The following PRRC2B variants were observed in gnomAD, a reference collection of about 807,000 sequenced individuals.
The protein encoded by PRRC2B is proline rich coiled-coil 2B, also known as protein PRRC2B.
A neutral mutation model predicts 242.3 loss-of-function variants in PRRC2B; 68 were observed. The observed-to-expected ratio is 0.28, with a 90% CI of 0.23 to 0.34. The LOEUF (loss-of-function observed/expected upper bound fraction) is 0.34. PRRC2B is among the 10% of genes least tolerant of loss of function. PRRC2B has a pLI of 1.00. For synonymous variants in PRRC2B, 1,228 were observed against 1,173.6 expected (o/e 1.05, Z -0.95); for missense variants, 2,835 against 2,954.8 (o/e 0.96, Z 0.94).
At chr9:131,438,940 C>T (rs1378028639) in intron 4 of PRRC2B, 49 bp from the exon 5 acceptor site, 4 of 1,434,080 alleles carry the variant, frequency 2.8e-6, no homozygotes, top group Non-Finnish European at 3.9e-6. Context: ...TGTTATTGTA[C>T]AGTGGAATAA....
chr9:131,393,908 C>T (rs995293444), upstream of PRRC2B, among the ~76,000 whole-genome samples: 8 of 151,272 alleles, frequency 5.3e-5, no homozygotes, highest in African/African-American at 1.7e-4. Flanking sequence ...CCGCCCCTCC[C>T]CCCTGGCCCC....
Position 131,446,279 on chromosome 9 carries a change from GTTTT to G in PRRC2B, c.614-119_614-116del. ...GATTTAACAGTTCTTCACTTTTGGT[GTTTT>G]TTGTTTTTCATTTTATTTTTTTGGT... On this transcript the variant is annotated intron_variant, in intron 6 of 31. Transcript: ENST00000683519. This position sits in a 1 kb window ranked among gnomAD's most constrained non-coding sequence, Gnocchi z 4.1. 8.1e-7 allele frequency: 1 copy of G among 1,238,618 alleles called. No homozygotes were observed. Among genetic ancestry groups the G allele is most frequent in the Non-Finnish European group, 1.1e-6 (1 of 906,734 alleles). The allele number at this position is 1,238,618 out of a possible 1,614,324, so 76.7% of individuals were successfully genotyped here.
In PRRC2B at chr9:131,462,706, C is replaced by T. The variant is rs560054247; in HGVS notation, c.1405-2057C>T. ...TACAAAAATTAGCCAGGCGTGGTGC[C>T]GCACGCCGGTATTCCCAGCTACTCA... On this transcript the variant is annotated intron_variant, in intron 11 of 31. Coordinates refer to ENST00000683519, the MANE Select transcript of PRRC2B (RefSeq NM_013318.4). Among the ~76,000 whole-genome samples, 17 of 151,468 alleles carry T rather than the reference C, an allele frequency of 1.1e-4. No homozygotes were observed. The East Asian group carries it at 3.0e-3, about 26-fold the overall frequency.
In PRRC2B at chr9:131,499,035, C is replaced by G. The variant is rs1049594788; in HGVS notation, c.*3161C>G. The G allele has an allele frequency of 1.3e-5, 2 of 152,188 alleles. No individual in the cohort carries two copies. The highest frequency in any genetic ancestry group is 2.9e-5 in the Non-Finnish European group (2 of 68,034). The allele number at this position is 152,188 out of a possible 1,614,324, so 9.4% of individuals were successfully genotyped here. On this transcript the variant is annotated 3_prime_UTR_variant, in exon 32 of 32. Transcript: ENST00000683519. The stretch of plus-strand genomic sequence containing the variant: ...CTTGGAATTCATAGACACTCTGGCT[C>G]TAGGTTCCTTAAGGGGGAAAACAAA...
intron 1 of PRRC2B, among the ~76,000 whole-genome samples, chr9:131,378,804 T>G (rs1836718539): frequency 6.6e-6 from 1 of 152,152 alleles, no homozygotes; most frequent in Non-Finnish European, 1.5e-5. Context: ...CACTGCAAAC[T>G]GCCTCCCATG....
rs778542901 is a variant in PRRC2B at position 131,477,877 on chromosome 9, G to A, written c.4540G>A (p.Glu1514Lys). Residue 1514 changes from glutamate (E) to lysine (K), a missense_variant, in exon 17 of 32, where the codon GAG becomes AAG. Coordinates refer to ENST00000683519, the MANE Select transcript of PRRC2B (RefSeq NM_013318.4). The stretch of plus-strand genomic sequence containing the variant: ...AGCCTCCAGTAAAAAGGCAGAGAAG[G>A]AGGCCAAGTTGGCTGCTCCGAGGGC... ...PEASSKKAEKEAKLAAPRAGE... is the reference protein window; with the variant it reads ...PEASSKKAEKKAKLAAPRAGE... 4.0e-5 allele frequency: 64 copies of A among 1,613,944 alleles called. No individual in the cohort carries two copies. The highest frequency in any genetic ancestry group is 5.3e-5 in the Non-Finnish European group (62 of 1,179,912).
intron 11 of PRRC2B, among the ~76,000 whole-genome samples, chr9:131,462,997 C>G (rs1271857722): frequency 2.0e-5 from 3 of 152,020 alleles, no homozygotes; most frequent in Admixed American, 6.6e-5. Context: ...AGGAAATTAT[C>G]TGAAGGAAGT....
intron 28 of PRRC2B, chr9:131,490,639 C>T (rs1944163995): frequency 1.9e-6 from 1 of 518,032 alleles, no homozygotes; most frequent in African/African-American, 1.9e-5. Context: ...GCCCACATCC[C>T]CACCTCGCAT....
intron 1 of PRRC2B, among the ~76,000 whole-genome samples, chr9:131,374,279 G>T (rs1051502839): frequency 1.1e-4 from 16 of 151,874 alleles, no homozygotes; most frequent in African/African-American, 3.9e-4. Context: ...ACTGTGGCTG[G>T]GTGCGGTGGC....
chr9:131,481,517 G>C (rs939181185), intron 19 of PRRC2B, among the ~76,000 whole-genome samples: 16 of 151,978 alleles, frequency 1.1e-4, no homozygotes, highest in African/African-American at 3.4e-4. Context: ...GGGTGAGGAT[G>C]TGGAAAGTTG....
intron 28 of PRRC2B, chr9:131,490,542 A>G: frequency 1.9e-6 from 1 of 519,184 alleles, no homozygotes; most frequent in Non-Finnish European, 3.8e-6. Flanking sequence ...ACTCAATAGC[A>G]GGGAGATGAA....
rs368519107 is a variant in PRRC2B at position 131,381,056 on chromosome 9, G to A, written c.-56+7325G>A. Among the ~76,000 whole-genome samples the A allele has an allele frequency of 3.9e-4, 59 of 152,164 alleles. 1 individual carries two copies. The South Asian group carries it at 0.011, about 28-fold the overall frequency. The stretch of plus-strand genomic sequence containing the variant: ...CTACACTTCTGAGATACCGGCCTAC[G>A]CTACATAGGGCAAGACTTGATTACT... On this transcript the variant is annotated intron_variant, in intron 1 of 1. Coordinates refer to the PRRC2B transcript ENST00000682525.
At chr9:131,397,788 G>C (rs990937545) in intron 1 of PRRC2B, among the ~76,000 whole-genome samples, 1 of 151,700 alleles carries the variant, frequency 6.6e-6, no homozygotes, top group African/African-American at 2.4e-5. Flanking sequence ...TGTCATGGGC[G>C]GACAGGTACT....
chr9:131,496,572 C>T lies in PRRC2B; in HGVS notation c.*698C>T, dbSNP rs915588133. The T allele has an allele frequency of 1.4e-5, 2 of 147,346 alleles. No homozygotes were observed. Among genetic ancestry groups the T allele is most frequent in the African/African-American group, 5.1e-5 (2 of 39,558 alleles). The allele number at this position is 147,346 out of a possible 1,614,324, so 9.1% of individuals were successfully genotyped here. A position where few individuals can be genotyped will look rare whatever the true frequency, so the allele number is the denominator to read the frequency against. ...GCACCGATTGCGAGCATTCTGGTGCCTGGCTCCCCGCCTGGGAAGCGATGG... is the reference window on the plus strand; with the variant it reads ...GCACCGATTGCGAGCATTCTGGTGCTTGGCTCCCCGCCTGGGAAGCGATGG... On this transcript the variant is annotated 3_prime_UTR_variant, in exon 32 of 32. Transcript: ENST00000683519.
At chr9:131,430,060 C>CTTTTTTTTTTTTTTTTTTTT in intron 1 of PRRC2B, 34 bp from the exon 2 acceptor site, 1 of 475,620 alleles carries the variant, frequency 2.1e-6, no homozygotes, top group South Asian at 2.7e-5. Flanking sequence ...TTTTCTCTCT[C>CTTTTTTTTTTTTTTTTTTTT]TTTTTTTTTT....
chr9:131,485,644 T>C (rs1216174041), intron 25 of PRRC2B: 1 of 533,596 alleles, frequency 1.9e-6, no homozygotes, highest in African/African-American at 1.9e-5. Context: ...AGCGTGGGGG[T>C]TTTGAGGGCC....
Position 131,435,977 on chromosome 9 carries a change from T to G in PRRC2B, c.294-643T>G, listed in dbSNP as rs1196455979. On this transcript the variant is annotated intron_variant, in intron 3 of 31. Transcript: ENST00000683519. ...GATGTTCTGTGTTACCTAGTTTTAT[T>G]TATAAGTTTATTTTTACTATGAGCA... Among the ~76,000 whole-genome samples, 3 of 152,218 alleles carry G rather than the reference T, an allele frequency of 2.0e-5. No individual in the cohort carries two copies. In the East Asian group the frequency reaches 5.8e-4, roughly 29 times the overall value.
intron 1 of PRRC2B, 38 bp downstream of exon 1, chr9:131,394,301 C>CGGCGGCGCTAAGATGGA (rs2131273016): frequency 6.8e-6 from 1 of 146,716 alleles, no homozygotes; most frequent in Admixed American, 6.8e-5. Context: ...GGCGTGGGGG[C>CGGCGGCGCTAAGATGGA]GGCGGCGCTA....
intron 1 of PRRC2B, among the ~76,000 whole-genome samples, chr9:131,396,683 C>A (rs959034744): frequency 3.0e-4 from 46 of 152,082 alleles, no homozygotes; most frequent in African/African-American, 1.1e-3. Flanking sequence ...CTGTGACTTC[C>A]CCACCCCAAA....
Sources: allele counts gnomAD v4.1 joint callset (sites outside exome capture counted in the v4.1 genomes callset), GRCh38; gene constraint gnomAD v4.1.1; non-coding constraint Gnocchi (gnomAD v3.1); transcripts MANE v1.5; gene names NCBI Gene and HGNC (gene_info 2026-07-23, HGNC 2026-07-21).